CALN1: variants seen among roughly 807,000 people sequenced by gnomAD.
The protein encoded by CALN1 is calcium-binding protein 8.
In CALN1, 17 loss-of-function variants were observed where a neutral mutation model predicts 30.6. That is an observed-to-expected ratio of 0.56 (90% CI 0.38 to 0.83). CALN1 has a LOEUF of 0.83. Among genes scored for constraint, CALN1 ranks in the 40% least tolerant of loss-of-function variants. The pLI is 0.00. For synonymous variants in CALN1, 156 were observed against 131.4 expected, an observed-to-expected ratio of 1.19 and a Z score of -1.28; for missense variants, 291 against 354.9, an observed-to-expected ratio of 0.82 and a Z score of 1.45.
chr7:72,443,765 C>T (rs1056554574), intron 1 of CALN1, among the ~76,000 whole-genome samples: 17 of 151,842 alleles, frequency 1.1e-4, no homozygotes, highest in African/African-American at 3.6e-4. Flanking sequence ...ACGTGGGTTC[C>T]TCCAACCCCT....
chr7:72,214,664 C>T (rs918203872), intron 3 of CALN1, among the ~76,000 whole-genome samples: 3 of 151,906 alleles, frequency 2.0e-5, no homozygotes, highest in Non-Finnish European at 4.4e-5. Flanking sequence ...GGTCCCCAAC[C>T]ACCAGGCAGT....
chr7:72,239,081 C>T (rs188107308), intron 3 of CALN1, among the ~76,000 whole-genome samples: 2 of 152,158 alleles, frequency 1.3e-5, no homozygotes, highest in African/African-American at 2.4e-5. Flanking sequence ...TTCTAAAATA[C>T]CTCCTGGTGC....
chr7:72,341,688 T>C (rs1258704801), intron 2 of CALN1, among the ~76,000 whole-genome samples: 2 of 152,208 alleles, frequency 1.3e-5, no homozygotes, highest in Non-Finnish European at 2.9e-5. Context: ...TTTGGGCAAG[T>C]TGTTTACTCT....
chr7:72,125,251 G>C (rs1169426612), intron 3 of CALN1, among the ~76,000 whole-genome samples: 1 of 152,152 alleles, frequency 6.6e-6, no homozygotes, highest in Non-Finnish European at 1.5e-5. Context: ...CTGGCCTCAA[G>C]TGATCCGCCT....
At chr7:72,267,932 A>T (rs1039544750) in intron 3 of CALN1, among the ~76,000 whole-genome samples, 2 of 152,168 alleles carry the variant, frequency 1.3e-5, no homozygotes. Flanking sequence ...GCTTGAGCCC[A>T]GAAGTGTGAG....
intron 5 of CALN1, among the ~76,000 whole-genome samples, chr7:71,984,878 C>T (rs1417139334): frequency 6.6e-6 from 1 of 152,204 alleles, no homozygotes; most frequent in Non-Finnish European, 1.5e-5. Flanking sequence ...AGTATCCACA[C>T]ATGGTTGGCT....
At chr7:72,477,283 A>G in the CALN1 span, among the ~76,000 whole-genome samples, 1 of 152,148 alleles carries the variant, frequency 6.6e-6, no homozygotes, top group Non-Finnish European at 1.5e-5. Context: ...AGATCTGATG[A>G]GTAGAATTGT....
intron 2 of CALN1, among the ~76,000 whole-genome samples, chr7:72,369,359 T>TGTTGTTGTTG (rs1554390886): frequency 2.0e-5 from 3 of 146,714 alleles, no homozygotes; most frequent in African/African-American, 7.5e-5. Flanking sequence ...TATTTATTTT[T>TGTTGTTGTTG]TTGTTGTTGT....
At chr7:72,353,640 T>C (rs928295641) in intron 2 of CALN1, among the ~76,000 whole-genome samples, 11 of 152,152 alleles carry the variant, frequency 7.2e-5, no homozygotes, top group African/African-American at 1.2e-4. Context: ...AAAAACTGAA[T>C]GCTTTCCCTG....
chr7:72,252,209 T>C (rs1395295250), intron 3 of CALN1, among the ~76,000 whole-genome samples: 1 of 152,140 alleles, frequency 6.6e-6, no homozygotes, highest in Non-Finnish European at 1.5e-5. Flanking sequence ...TTGAGCCAAC[T>C]ATCTTGCTAG....
intron 2 of CALN1, among the ~76,000 whole-genome samples, chr7:72,382,499 G>A (rs1389139086): frequency 6.6e-6 from 1 of 152,128 alleles, no homozygotes; most frequent in East Asian, 1.9e-4. Flanking sequence ...AAGGATACAT[G>A]TGCAGGTTAC....
intron 5 of CALN1, among the ~76,000 whole-genome samples, chr7:71,930,246 G>C (rs1242740881): frequency 6.6e-6 from 1 of 152,160 alleles, no homozygotes; most frequent in Non-Finnish European, 1.5e-5. Flanking sequence ...ACTGGTATCT[G>C]TCTTTTTCAA....
chr7:71,824,407 C>T (rs1258127629), intron 5 of CALN1, among the ~76,000 whole-genome samples: 1 of 152,056 alleles, frequency 6.6e-6, no homozygotes, highest in African/African-American at 2.4e-5. Flanking sequence ...ACTAACTGAA[C>T]TTGTTTTCCT....
intron 3 of CALN1, among the ~76,000 whole-genome samples, chr7:72,131,057 G>A (rs1234964684): frequency 2.6e-5 from 4 of 152,164 alleles, no homozygotes; most frequent in African/African-American, 7.2e-5. Context: ...GGGTCATCAA[G>A]GATGGCGTAG....
chr7:71,844,969 A>C (rs2116525469), intron 5 of CALN1, among the ~76,000 whole-genome samples: 1 of 152,168 alleles, frequency 6.6e-6, no homozygotes. Flanking sequence ...GGCTCACTGC[A>C]ACCTCTGCCA....
chr7:72,479,739 TG>T, the CALN1 span, among the ~76,000 whole-genome samples: 1 of 151,896 alleles, frequency 6.6e-6, no homozygotes, highest in African/African-American at 2.4e-5. Flanking sequence ...TTTGTAGAGA[TG>T]GGGTTTCGTC....
chr7:72,282,298 A>T (rs1304264665), intron 2 of CALN1, among the ~76,000 whole-genome samples: 1 of 152,246 alleles, frequency 6.6e-6, no homozygotes, highest in Non-Finnish European at 1.5e-5. Flanking sequence ...AAATATTTTC[A>T]ACAGCAGTTT....
At chr7:72,132,156 G>C (rs1809195389) in intron 3 of CALN1, among the ~76,000 whole-genome samples, 1 of 152,114 alleles carries the variant, frequency 6.6e-6, no homozygotes, top group African/African-American at 2.4e-5. Context: ...GTCTCAGTAA[G>C]CTCATTATAA....
intron 5 of CALN1, among the ~76,000 whole-genome samples, chr7:71,979,869 CTTTTTTT>C (rs555621436): frequency 0.041 from 3,714 of 89,660 alleles, 98 homozygotes; most frequent in African/African-American, 0.14. Flanking sequence ...CATCAGGATT[CTTTTTTT>C]TTTTTTTTTT....
Sources: gnomAD v4.1 joint callset for allele counts (sites outside exome capture counted in the v4.1 genomes callset) on GRCh38, gnomAD v4.1.1 for gene constraint, MANE v1.5 for transcripts, NCBI Gene and HGNC (gene_info 2026-07-23, HGNC 2026-07-21) for gene names.